TASP1: variants seen among roughly 807,000 people sequenced by gnomAD.
TASP1 encodes the protein threonine aspartase 1.
TASP1 carries 16 observed loss-of-function variants against 56.6 expected under a neutral mutation model. The observed-to-expected ratio is 0.28, with a 90% confidence interval of 0.19 to 0.43. The LOEUF (loss-of-function observed/expected upper bound fraction) is 0.43. TASP1 is among the 20% of genes least tolerant of loss of function. The probability of loss-of-function intolerance (pLI) is 1.00; values close to 1 mark genes in which losing one functional copy is unlikely to be tolerated. For missense variants in TASP1, 393 were observed against 511.6 expected (o/e 0.77, Z 2.24); for synonymous variants, 179 against 184.2 (o/e 0.97, Z 0.23).
chr20:13,230,751 AAAAAG>A, the TASP1 span, among the ~76,000 whole-genome samples: 6 of 152,126 alleles, frequency 3.9e-5, no homozygotes, highest in Admixed American at 2.0e-4. Flanking sequence ...TTGTAGAAAA[AAAAAG>A]AAAAGAAAAG....
the TASP1 span, among the ~76,000 whole-genome samples, chr20:13,171,387 T>A: frequency 6.6e-6 from 1 of 152,072 alleles, no homozygotes; most frequent in Non-Finnish European, 1.5e-5. Context: ...CAACAAAATA[T>A]CCATGAAGAG....
the TASP1 span, among the ~76,000 whole-genome samples, chr20:13,334,065 G>C: frequency 3.3e-5 from 5 of 152,302 alleles, no homozygotes; most frequent in Admixed American, 2.6e-4. Context: ...AGTACCATGG[G>C]AACACGTAAG....
the TASP1 span, among the ~76,000 whole-genome samples, chr20:13,202,665 G>T: frequency 1.3e-5 from 2 of 152,356 alleles, no homozygotes; most frequent in Non-Finnish European, 2.9e-5. Flanking sequence ...AACCAGAATA[G>T]GTTGAGAGCA....
the TASP1 span, among the ~76,000 whole-genome samples, chr20:13,377,836 T>C: frequency 1.3e-5 from 2 of 152,174 alleles, no homozygotes; most frequent in Non-Finnish European, 2.9e-5. Flanking sequence ...ATTCATTTCT[T>C]CTAGATTTGC....
intron 11 of TASP1, among the ~76,000 whole-genome samples, chr20:13,456,012 A>G (rs773966839): frequency 6.6e-6 from 1 of 152,168 alleles, no homozygotes; most frequent in Non-Finnish European, 1.5e-5. Flanking sequence ...GGGAATTTTA[A>G]ACAAGCGGGA....
chr20:13,143,267 T>C, the TASP1 span, among the ~76,000 whole-genome samples: 2 of 152,174 alleles, frequency 1.3e-5, no homozygotes, highest in African/African-American at 4.8e-5. Context: ...CAAATCCAAG[T>C]CAGTGAGTCC....
In TASP1 at chr20:13,483,272, C is replaced by T; in HGVS notation, c.940G>A (p.Asp314Asn). ...RECSHALQAEDAHQALLETMQ... is the reference protein window; with the variant it reads ...RECSHALQAENAHQALLETMQ... ...GTCTCCAACAGGGCTTGGTGAGCATCCTCAGCTTGTAAAGCATGTGAACAT... is the reference window on the plus strand; with the variant it reads ...GTCTCCAACAGGGCTTGGTGAGCATTCTCAGCTTGTAAAGCATGTGAACAT... Residue 314 changes from aspartate (D) to asparagine (N), a missense_variant, in exon 11 of 14, where the codon GAT becomes AAT. Coordinates refer to ENST00000337743, the MANE Select transcript of TASP1 (RefSeq NM_017714.3). 2 of 1,603,240 alleles carry T rather than the reference C, an allele frequency of 1.2e-6. No individual in the cohort carries two copies. Among genetic ancestry groups the T allele is most frequent in the Non-Finnish European group, 1.7e-6 (2 of 1,174,414 alleles).
the TASP1 span, among the ~76,000 whole-genome samples, chr20:13,374,349 ATT>A: frequency 1.2e-3 from 164 of 142,228 alleles, no homozygotes; most frequent in African/African-American, 1.8e-3. Flanking sequence ...CTGTCTCGTA[ATT>A]TTTTTTTTTT....
chr20:13,329,592 T>C, the TASP1 span, among the ~76,000 whole-genome samples: 2 of 152,234 alleles, frequency 1.3e-5, no homozygotes, highest in Non-Finnish European at 2.9e-5. Flanking sequence ...TGCTTACAAA[T>C]ACAAACAACT....
intron 8 of TASP1, among the ~76,000 whole-genome samples, chr20:13,547,604 G>T (rs555124858): frequency 7.2e-5 from 11 of 152,292 alleles, no homozygotes; most frequent in Admixed American, 2.0e-4. Flanking sequence ...TTCTATTAAA[G>T]TTTCTTCCAG....
the TASP1 span, among the ~76,000 whole-genome samples, chr20:13,337,734 A>G: frequency 6.6e-6 from 1 of 152,226 alleles, no homozygotes; most frequent in Admixed American, 6.5e-5. Context: ...TGAGTGGGAC[A>G]GCAATTTTCA....
At chr20:13,597,574 C>T (rs2047786734) in intron 4 of TASP1, among the ~76,000 whole-genome samples, 1 of 152,184 alleles carries the variant, frequency 6.6e-6, no homozygotes, top group Non-Finnish European at 1.5e-5. Context: ...CAGCCAATAT[C>T]ATACTGGATG....
chr20:13,568,651 A>C (rs1010760121), intron 7 of TASP1, among the ~76,000 whole-genome samples: 4 of 152,204 alleles, frequency 2.6e-5, no homozygotes, highest in East Asian at 1.9e-4. Flanking sequence ...TGGGTATAAG[A>C]TTTTTTTCAA....
intron 10 of TASP1, among the ~76,000 whole-genome samples, chr20:13,506,779 A>G (rs896698074): frequency 6.6e-6 from 1 of 152,086 alleles, no homozygotes; most frequent in Non-Finnish European, 1.5e-5. Context: ...AATGGTCAAA[A>G]GTTGAAAGCT....
intron 12 of TASP1, among the ~76,000 whole-genome samples, chr20:13,433,520 C>CAAAGAAAA (rs2042886182): frequency 1.1e-5 from 1 of 89,214 alleles, no homozygotes; most frequent in African/African-American, 4.8e-5. Flanking sequence ...GACAGTATGG[C>CAAAGAAAA]AAAAAAAAAA....
intron 10 of TASP1, among the ~76,000 whole-genome samples, chr20:13,488,122 G>A (rs2043394152): frequency 6.6e-6 from 1 of 151,972 alleles, no homozygotes; most frequent in Non-Finnish European, 1.5e-5. Flanking sequence ...TGAAAGAGAG[G>A]AAAGAAAGAA....
the TASP1 span, among the ~76,000 whole-genome samples, chr20:13,201,373 C>G: frequency 6.6e-6 from 1 of 151,670 alleles, no homozygotes; most frequent in Non-Finnish European, 1.5e-5. Flanking sequence ...ATCAGCAGGG[C>G]TTGCTGTTGG....
the TASP1 span, chr20:13,245,512 CA>C: frequency 6.6e-6 from 1 of 152,210 alleles, no homozygotes; most frequent in Non-Finnish European, 1.5e-5. Flanking sequence ...GGGGATTGCA[CA>C]AGGCTGTGTA....
At chr20:13,241,909 TA>T in the TASP1 span, among the ~76,000 whole-genome samples, 4 of 151,738 alleles carry the variant, frequency 2.6e-5, no homozygotes, top group Admixed American at 6.6e-5. Context: ...CAGTCAAATA[TA>T]TAAGGAGAAG....
Sources: allele counts gnomAD v4.1 joint callset (sites outside exome capture counted in the v4.1 genomes callset), GRCh38; gene constraint gnomAD v4.1.1; transcripts MANE v1.5; gene names NCBI Gene and HGNC (gene_info 2026-07-23, HGNC 2026-07-21).